MTCL2: variants seen among roughly 807,000 people sequenced by gnomAD.
MTCL2 encodes microtubule cross-linking factor 2.
chr20:36,842,450 C>A, the MTCL2 span, among the ~76,000 whole-genome samples: 1 of 152,252 alleles, frequency 6.6e-6, no homozygotes, highest in South Asian at 2.1e-4. Context: ...TTAATGTGAC[C>A]GAATGATTTA....
the MTCL2 span, among the ~76,000 whole-genome samples, chr20:36,857,907 C>A: frequency 6.6e-6 from 1 of 152,146 alleles, no homozygotes; most frequent in African/African-American, 2.4e-5. Context: ...AGGGTCCTCA[C>A]GGCCCTGGGC....
the MTCL2 span, among the ~76,000 whole-genome samples, chr20:36,802,686 C>G: frequency 1.3e-5 from 2 of 152,242 alleles, no homozygotes; most frequent in African/African-American, 4.8e-5. Context: ...CTAGTTCCCA[C>G]TGCATTCTCT....
At chr20:36,859,200 G>A in the MTCL2 span, among the ~76,000 whole-genome samples, 35 of 152,186 alleles carry the variant, frequency 2.3e-4, no homozygotes, top group African/African-American at 7.7e-4. Flanking sequence ...CAGGTCTTCA[G>A]ACTCCAACTC....
the MTCL2 span, among the ~76,000 whole-genome samples, chr20:36,847,109 C>T: frequency 6.6e-6 from 1 of 152,204 alleles, no homozygotes; most frequent in East Asian, 1.9e-4. Flanking sequence ...ATCCTCTTAC[C>T]GACCCTGTGA....
chr20:36,800,690 G>A, the MTCL2 span, among the ~76,000 whole-genome samples: 1 of 152,200 alleles, frequency 6.6e-6, no homozygotes, highest in African/African-American at 2.4e-5. Context: ...AAATACCTAA[G>A]ATCCATAAAC....
At chr20:36,789,795 C>T in the MTCL2 span, among the ~76,000 whole-genome samples, 2 of 152,226 alleles carry the variant, frequency 1.3e-5, no homozygotes, top group East Asian at 1.9e-4. Context: ...CAGACTGAGA[C>T]ACTTGCTTTT....
At chr20:36,804,393 G>A in the MTCL2 span, among the ~76,000 whole-genome samples, 3 of 152,194 alleles carry the variant, frequency 2.0e-5, no homozygotes, top group African/African-American at 4.8e-5. Context: ...TGCGTGGAGG[G>A]AGCAAAATAG....
chr20:36,801,872 G>A, the MTCL2 span, among the ~76,000 whole-genome samples: 1 of 151,728 alleles, frequency 6.6e-6, no homozygotes, highest in Non-Finnish European at 1.5e-5. Flanking sequence ...GCTGAGGCAG[G>A]AGAATCACTT....
At chr20:36,795,994 C>T in the MTCL2 span, among the ~76,000 whole-genome samples, 1 of 152,042 alleles carries the variant, frequency 6.6e-6, no homozygotes, top group Non-Finnish European at 1.5e-5. Flanking sequence ...TCCAGTTGCC[C>T]GTGGAATAAC....
the MTCL2 span, among the ~76,000 whole-genome samples, chr20:36,819,461 C>G: frequency 2.6e-5 from 4 of 152,184 alleles, no homozygotes; most frequent in African/African-American, 9.7e-5. Context: ...CAAGGTCTCA[C>G]AGTACACCCA....
chr20:36,805,206 G>A, the MTCL2 span, among the ~76,000 whole-genome samples: 1 of 152,184 alleles, frequency 6.6e-6, no homozygotes, highest in Non-Finnish European at 1.5e-5. Flanking sequence ...CGTCTGTGCC[G>A]TGGGTCCTTC....
the MTCL2 span, among the ~76,000 whole-genome samples, chr20:36,819,434 A>T: frequency 6.6e-6 from 1 of 152,102 alleles, no homozygotes; most frequent in Non-Finnish European, 1.5e-5. Flanking sequence ...ACCAAGACAG[A>T]GGGGCAGGGA....
At chr20:36,846,879 G>A in the MTCL2 span, among the ~76,000 whole-genome samples, 7 of 152,154 alleles carry the variant, frequency 4.6e-5, no homozygotes, top group South Asian at 2.1e-4. Context: ...GCTTGGTGGC[G>A]TGTGCCTGTA....
chr20:36,791,328 C>G, the MTCL2 span, among the ~76,000 whole-genome samples: 1 of 152,138 alleles, frequency 6.6e-6, no homozygotes, highest in Non-Finnish European at 1.5e-5. Flanking sequence ...CCACCGCGCC[C>G]GGCCACATTT....
the MTCL2 span, chr20:36,794,410 G>C: frequency 6.2e-7 from 1 of 1,613,948 alleles, no homozygotes; most frequent in South Asian, 1.1e-5. This position sits in a 1 kb window ranked among gnomAD's most constrained non-coding sequence, Gnocchi z 5.4. Flanking sequence ...GGGCACCCAG[G>C]TGGTTGCAGT....
the MTCL2 span, among the ~76,000 whole-genome samples, chr20:36,820,900 G>T: frequency 2.6e-5 from 4 of 152,104 alleles, no homozygotes; most frequent in Non-Finnish European, 5.9e-5. Context: ...ACTAGAGAAA[G>T]ACCTGGAAAG....
the MTCL2 span, chr20:36,815,380 C>CTAA: frequency 6.2e-7 from 1 of 1,613,454 alleles, no homozygotes; most frequent in Non-Finnish European, 8.5e-7. The surrounding 1 kb of genome is among the most constrained non-coding windows in gnomAD (Gnocchi z 5.3). Context: ...TCAGCACACT[C>CTAA]GTTGTCCAGA....
the MTCL2 span, chr20:36,786,701 G>A: frequency 1.4e-6 from 2 of 1,436,040 alleles, no homozygotes; most frequent in Non-Finnish European, 9.4e-7. Flanking sequence ...ACCACCATGA[G>A]CTGTGTGGTA....
the MTCL2 span, among the ~76,000 whole-genome samples, chr20:36,833,469 G>A: frequency 6.6e-6 from 1 of 152,236 alleles, no homozygotes; most frequent in Non-Finnish European, 1.5e-5. Flanking sequence ...GCAGCCTCCA[G>A]CCCCTGCTCC....
Sources: allele counts gnomAD v4.1 joint callset (sites outside exome capture counted in the v4.1 genomes callset), GRCh38; gene constraint gnomAD v4.1.1; non-coding constraint Gnocchi (gnomAD v3.1); transcripts MANE v1.5; gene names NCBI Gene and HGNC (gene_info 2026-07-23, HGNC 2026-07-21).